The following CADM2 variants were observed in gnomAD, a reference collection of about 807,000 sequenced individuals.
CADM2 encodes immunoglobulin superfamily member 4D.
A neutral mutation model predicts 49.8 loss-of-function variants in CADM2; 12 were observed. The observed-to-expected ratio is 0.24, with a 90% CI of 0.15 to 0.39. The LOEUF (loss-of-function observed/expected upper bound fraction) is 0.39, where lower values mean the gene tolerates loss of function less well. CADM2 is among the 10% of genes least tolerant of loss of function. The probability of loss-of-function intolerance (pLI) is 1.00; values close to 1 mark genes in which losing one functional copy is unlikely to be tolerated. For missense variants in CADM2, 378 were observed against 492.3 expected (o/e 0.77, Z 2.20); for synonymous variants, 214 against 175.4 (o/e 1.22, Z -1.74).
intron 3 of CADM2, among the ~76,000 whole-genome samples, chr3:85,862,492 A>G (rs905801142): frequency 6.6e-6 from 1 of 152,184 alleles, no homozygotes; most frequent in Non-Finnish European, 1.5e-5. Flanking sequence ...CGTAGTCTAC[A>G]TTGTGAGCAA....
intron 1 of CADM2, among the ~76,000 whole-genome samples, chr3:85,568,473 C>CTTTCTCTCTTTCTTTCTT (rs1553743643): frequency 4.3e-4 from 12 of 27,616 alleles, no homozygotes; most frequent in African/African-American, 9.3e-4. Context: ...CTCTTTCTCT[C>CTTTCTCTCTTTCTTTCTT]TCTTTCTTTC....
intron 7 of CADM2, among the ~76,000 whole-genome samples, chr3:85,940,164 CA>C (rs10527231): frequency 0.29 from 15,162 of 51,768 alleles, 870 homozygotes; most frequent in East Asian, 0.36. Flanking sequence ...ACTAAAAATA[CA>C]AAAAAAAAAA....
intron 1 of CADM2, among the ~76,000 whole-genome samples, chr3:85,192,489 G>A (rs1256259392): frequency 1.3e-5 from 2 of 151,826 alleles, no homozygotes; most frequent in East Asian, 3.9e-4. Flanking sequence ...TAAGTGCCTT[G>A]AGCCATACCC....
chr3:85,348,743 T>C (rs2031030101), intron 1 of CADM2, among the ~76,000 whole-genome samples: 1 of 152,186 alleles, frequency 6.6e-6, no homozygotes, highest in Admixed American at 6.5e-5. Flanking sequence ...GTGAGAGTTT[T>C]ACCTAAAAAC....
intron 8 of CADM2, among the ~76,000 whole-genome samples, chr3:86,032,297 A>C (rs1250690631): frequency 6.6e-6 from 1 of 151,834 alleles, no homozygotes; most frequent in African/African-American, 2.4e-5. Context: ...AAACAGGTAC[A>C]TAAAGTTTAA....
intron 2 of CADM2, among the ~76,000 whole-genome samples, chr3:85,729,969 AGAACCCTCTGG>A (rs1336605416): frequency 6.6e-6 from 1 of 152,192 alleles, no homozygotes; most frequent in East Asian, 1.9e-4. Context: ...TTTGTAACTA[AGAACCCTCTGG>A]GTTTGCTATA....
At chr3:85,326,455 A>G (rs2044753827) in intron 1 of CADM2, among the ~76,000 whole-genome samples, 1 of 152,182 alleles carries the variant, frequency 6.6e-6, no homozygotes, top group Non-Finnish European at 1.5e-5. Flanking sequence ...AGGAAATATG[A>G]TAAAGTATAT....
At chr3:85,289,653 T>C (rs2043726683) in intron 1 of CADM2, among the ~76,000 whole-genome samples, 1 of 152,172 alleles carries the variant, frequency 6.6e-6, no homozygotes, top group Non-Finnish European at 1.5e-5. Flanking sequence ...ATAATTTCAC[T>C]CTAAGGCATG....
intron 1 of CADM2, among the ~76,000 whole-genome samples, chr3:85,229,948 A>T (rs2042249649): frequency 6.6e-6 from 1 of 152,182 alleles, no homozygotes; most frequent in African/African-American, 2.4e-5. Context: ...TATTAAACTG[A>T]TATTTGTAAG....
chr3:85,917,361 G>T (rs1718490097), intron 6 of CADM2, among the ~76,000 whole-genome samples: 1 of 152,150 alleles, frequency 6.6e-6, no homozygotes, highest in African/African-American at 2.4e-5. Flanking sequence ...GTAAGGAATG[G>T]ATCCAGTTTC....
intron 1 of CADM2, among the ~76,000 whole-genome samples, chr3:85,363,564 T>C (rs1388249822): frequency 1.3e-5 from 2 of 152,208 alleles, no homozygotes; most frequent in East Asian, 3.9e-4. Context: ...CTTTCCACTA[T>C]TTATTATGTA....
chr3:85,483,744 A>G (rs1039140396), intron 1 of CADM2, among the ~76,000 whole-genome samples: 4 of 151,078 alleles, frequency 2.6e-5, no homozygotes, highest in Non-Finnish European at 4.4e-5. Flanking sequence ...GATGTTATAT[A>G]ATGTTGAATA....
At chr3:85,553,980 G>A (rs1021522654) in intron 1 of CADM2, among the ~76,000 whole-genome samples, 5 of 152,032 alleles carry the variant, frequency 3.3e-5, no homozygotes, top group Non-Finnish European at 5.9e-5. Flanking sequence ...ATCCAATTGT[G>A]GTAAATAAGT....
intron 3 of CADM2, among the ~76,000 whole-genome samples, chr3:85,812,650 TC>T (rs1302838645): frequency 6.6e-6 from 1 of 152,178 alleles, no homozygotes; most frequent in East Asian, 1.9e-4. Context: ...GCTGCACACA[TC>T]AACCCATCAC....
chr3:85,472,671 G>C (rs555288571), intron 1 of CADM2, among the ~76,000 whole-genome samples: 73 of 151,910 alleles, frequency 4.8e-4, no homozygotes, highest in South Asian at 1.0e-3. Context: ...TCTATAATGG[G>C]AGAGATGAAT....
intron 1 of CADM2, among the ~76,000 whole-genome samples, chr3:85,171,337 A>G (rs922460269): frequency 5.3e-5 from 8 of 152,236 alleles, no homozygotes; most frequent in Admixed American, 6.5e-5. Flanking sequence ...ATTCTATTAA[A>G]TCAAAAGAAT....
chr3:85,898,349 A>C (rs1482964449), intron 5 of CADM2, among the ~76,000 whole-genome samples: 1 of 152,084 alleles, frequency 6.6e-6, no homozygotes, highest in African/African-American at 2.4e-5. Flanking sequence ...TTAAGTTTTG[A>C]CAAATGTCTG....
intron 7 of CADM2, among the ~76,000 whole-genome samples, chr3:85,941,064 A>C (rs1051538871): frequency 3.9e-5 from 6 of 152,104 alleles, no homozygotes; most frequent in Admixed American, 3.3e-4. Flanking sequence ...ACTCTTACAC[A>C]TCAAGTAGTT....
chr3:85,786,055 A>G (rs1262968325), intron 2 of CADM2, among the ~76,000 whole-genome samples: 4 of 151,992 alleles, frequency 2.6e-5, no homozygotes, highest in Non-Finnish European at 5.9e-5. Context: ...TCCTCCCAAT[A>G]TGATAGTGAA....
Sources: allele counts gnomAD v4.1 joint callset (sites outside exome capture counted in the v4.1 genomes callset), GRCh38; gene constraint gnomAD v4.1.1; transcripts MANE v1.5; gene names NCBI Gene and HGNC (gene_info 2026-07-23, HGNC 2026-07-21).